CEP192: variants seen among roughly 807,000 people sequenced by gnomAD.
The protein encoded by CEP192 is centrosomal protein 192, also known as centrosomal protein of 192 kDa.
Under a neutral mutation model 271.8 loss-of-function variants are expected in CEP192, and 151 were observed. That is an observed-to-expected ratio of 0.56 (90% CI 0.49 to 0.64). CEP192 has a LOEUF of 0.64. CEP192 is among the 30% of genes least tolerant of loss of function. CEP192 has a pLI of 0.00. For missense variants in CEP192, 2,910 were observed against 3,020.5 expected, an observed-to-expected ratio of 0.96 and a Z score of 0.86; for synonymous variants, 995 against 1,076.5, an observed-to-expected ratio of 0.92 and a Z score of 1.48.
At chr18:13,124,517 G>C (rs2040816158) in intron 44 of CEP192, 115 bp from the exon 45 acceptor site, 6 of 893,786 alleles carry the variant, frequency 6.7e-6, no homozygotes, top group Non-Finnish European at 9.6e-6. Flanking sequence ...CATTTAAGCT[G>C]AATGTGGCTT....
rs145230167 is a variant in CEP192 at position 13,095,319 on chromosome 18, A to G, written c.6255-184A>G. ...ACCCAGCCTGTACACATTGTAAACTATACACAATATGAATAACTTTTATTC... is the reference window on the plus strand; with the variant it reads ...ACCCAGCCTGTACACATTGTAAACTGTACACAATATGAATAACTTTTATTC... On this transcript the variant is annotated intron_variant, in intron 34 of 44. Coordinates refer to ENST00000506447, the MANE Select transcript of CEP192 (RefSeq NM_032142.4). Among the ~76,000 whole-genome samples, 1,339 of 152,308 alleles carry G rather than the reference A, an allele frequency of 8.8e-3. 85 individuals carry two copies. The highest frequency in any genetic ancestry group is 0.082 in the Admixed American group (1,262 of 15,300).
rs141565721 is a variant in CEP192 at position 13,002,497 on chromosome 18, G to T, written c.290+915G>T. Among the ~76,000 whole-genome samples the T allele has an allele frequency of 5.9e-3, 895 of 152,038 alleles. 41 individuals are homozygous for T. Among genetic ancestry groups the T allele is most frequent in the Admixed American group, 0.052 (787 of 15,276 alleles). On this transcript the variant is annotated intron_variant, in intron 3 of 44. Transcript: ENST00000506447. ...ATGTACATTTATATATACATTTTTCGCACCTAGGATATTATTAAGATTTCT... is the reference window on the plus strand; with the variant it reads ...ATGTACATTTATATATACATTTTTCTCACCTAGGATATTATTAAGATTTCT...
intron 39 of CEP192, 194 bp downstream of exon 39, chr18:13,103,782 C>T (rs2039826970): frequency 6.3e-6 from 4 of 635,500 alleles, no homozygotes; most frequent in Non-Finnish European, 5.8e-6. Context: ...CCTCAACCTC[C>T]CAGGCTCAAG....
intron 42 of CEP192, 47 bp downstream of exon 42, chr18:13,114,298 T>TG (rs2040337198): frequency 6.3e-7 from 1 of 1,598,740 alleles, no homozygotes; most frequent in Admixed American, 1.7e-5. Context: ...AGTACTTTAT[T>TG]GAGGAATAGA....
Position 13,056,432 on chromosome 18 carries a change from A to G in CEP192, c.3842A>G (p.His1281Arg), listed in dbSNP as rs375493648. 43 of 1,614,262 alleles carry G rather than the reference A, an allele frequency of 2.7e-5. No individual in the cohort carries two copies. The highest frequency in any genetic ancestry group is 2.5e-4 in the African/African-American group (19 of 75,072). Residue 1281 changes from histidine to arginine, a missense_variant, in exon 19 of 45, where the codon CAT becomes CGT. By Grantham distance (29) the His-to-Arg change is conservative. Coordinates refer to ENST00000506447, the MANE Select transcript of CEP192 (RefSeq NM_032142.4). ...GGAAGCACCACCTTGCCTCAGTGCC[A>G]TGCTGGCAATGCCACAGTCTGTGGC... ...STGSTTLPQCHAGNATVCGFS... is the reference protein window; with the variant it reads ...STGSTTLPQCRAGNATVCGFS...
chr18:13,004,170 A>G (rs998817127), intron 3 of CEP192, among the ~76,000 whole-genome samples: 3 of 152,198 alleles, frequency 2.0e-5, no homozygotes, highest in African/African-American at 4.8e-5. Flanking sequence ...GCCTACTCAG[A>G]ATGAGTTTCA....
In CEP192 at chr18:13,030,396, A is replaced by C. The variant is rs892584811; in HGVS notation, c.1391-69A>C. ...AAGGTAGTCATCTGAATTTAAAAAAAATTGAGAATGTTTTGTCATTTTAGT... is the reference window on the plus strand; with the variant it reads ...AAGGTAGTCATCTGAATTTAAAAAACATTGAGAATGTTTTGTCATTTTAGT... On this transcript the variant is annotated intron_variant, in intron 10 of 44. Coordinates refer to ENST00000506447, the MANE Select transcript of CEP192 (RefSeq NM_032142.4). 31 of 1,369,076 alleles carry C rather than the reference A, an allele frequency of 2.3e-5. No homozygotes were observed. The Admixed American group carries it at 5.3e-4, about 23-fold the overall frequency. The allele number at this position is 1,369,076 out of a possible 1,614,324, so 84.8% of individuals were successfully genotyped here.
chr18:13,089,851 CA>C, intron 33 of CEP192, among the ~76,000 whole-genome samples: 1 of 152,308 alleles, frequency 6.6e-6, no homozygotes, highest in Admixed American at 6.5e-5. Flanking sequence ...ATAAATGTTA[CA>C]TGTTACTTTC....
chr18:13,041,753 A>C (rs916819580), intron 14 of CEP192, among the ~76,000 whole-genome samples: 4 of 151,986 alleles, frequency 2.6e-5, no homozygotes, highest in Non-Finnish European at 5.9e-5. Flanking sequence ...TTTGGTAGAG[A>C]TAAGGTTTCC....
chr18:13,076,519 A>G (rs1265649604), intron 30 of CEP192, among the ~76,000 whole-genome samples: 3 of 152,154 alleles, frequency 2.0e-5, no homozygotes, highest in Admixed American at 6.5e-5. Context: ...CCGGCCAATC[A>G]TTCTTTTTTC....
intron 9 of CEP192, among the ~76,000 whole-genome samples, chr18:13,027,299 C>A (rs2035357225): frequency 6.6e-6 from 1 of 152,168 alleles, no homozygotes; most frequent in Non-Finnish European, 1.5e-5. Context: ...CCCCTTTCTC[C>A]TCCCCATACT....
At chr18:13,055,105 C>T (rs2037012772) in intron 18 of CEP192, among the ~76,000 whole-genome samples, 1 of 151,970 alleles carries the variant, frequency 6.6e-6, no homozygotes, top group South Asian at 2.1e-4. Flanking sequence ...TGGTGAAACC[C>T]TGTCTCTACT....
At position 13,048,992 on chromosome 18, in the gene CEP192, T is replaced by C; in HGVS notation, c.2201T>C (p.Leu734Pro). The change falls in exon 16 of 45, where the codon CTT (leucine) becomes CCT (proline). Residue 734 changes from leucine (L) to proline (P), a missense_variant. Transcript: ENST00000506447. ...TCAGTTAATACTGATCCTTCCCAAC[T>C]TGCTGCAATGATCAAGGCACTTTCA... The part of the protein sequence containing the change: ...EASVNTDPSQ[L>P]AAMIKALSNK... 1 of 1,614,166 alleles carries C rather than the reference T, an allele frequency of 6.2e-7. No homozygotes were observed. The highest frequency in any genetic ancestry group is 1.1e-5 in the South Asian group (1 of 91,078).
Position 13,096,385 on chromosome 18 carries a change from C to T in CEP192, c.6557+78C>T, listed in dbSNP as rs940564794. ...ACTTTCTAAAGATCAAATAATATGT[C>T]ATTGTAGTTTATCCAGTTGAATTTT... On this transcript the variant is annotated intron_variant, in intron 36 of 44. Coordinates refer to ENST00000506447, the MANE Select transcript of CEP192 (RefSeq NM_032142.4). The T allele has an allele frequency of 6.4e-6, 10 of 1,552,032 alleles. No homozygotes were observed. The African/African-American group carries it at 1.2e-4, about 19-fold the overall frequency.
At chr18:13,046,235 G>A (rs1256932468) in intron 15 of CEP192, among the ~76,000 whole-genome samples, 2 of 152,072 alleles carry the variant, frequency 1.3e-5, no homozygotes, top group African/African-American at 4.8e-5. Context: ...AAACAACCAG[G>A]TCTTAGGAGA....
chr18:13,098,138 C>T (rs1056803028), intron 36 of CEP192, among the ~76,000 whole-genome samples: 1 of 152,254 alleles, frequency 6.6e-6, no homozygotes, highest in Admixed American at 6.5e-5. Flanking sequence ...TCATCATAGC[C>T]CGTTCTCGAT....
intron 9 of CEP192, chr18:13,024,250 T>A (rs2035161190): frequency 2.2e-6 from 1 of 453,130 alleles, no homozygotes; most frequent in Non-Finnish European, 4.4e-6. Flanking sequence ...GTACCCTGCC[T>A]TATCTCTGAT....
chr18:13,021,974 T>C (rs930448848), intron 9 of CEP192, among the ~76,000 whole-genome samples: 2 of 152,232 alleles, frequency 1.3e-5, no homozygotes, highest in Admixed American at 6.5e-5. Flanking sequence ...TTTTTCTCCA[T>C]TGTTATCTTC....
chr18:13,021,371 C>T (rs1462135687), intron 9 of CEP192, among the ~76,000 whole-genome samples: 2 of 152,138 alleles, frequency 1.3e-5, no homozygotes, highest in Non-Finnish European at 2.9e-5. Flanking sequence ...ATTAAAAAGG[C>T]TGTTCTTTCT....
Sources: gnomAD v4.1 joint callset for allele counts (sites outside exome capture counted in the v4.1 genomes callset) on GRCh38, gnomAD v4.1.1 for gene constraint, MANE v1.5 for transcripts, NCBI Gene and HGNC (gene_info 2026-07-23, HGNC 2026-07-21) for gene names.